Variants in PILRA observed in about 807,000 individuals in gnomAD.
PILRA encodes the protein paired immunoglobin like type 2 receptor alpha, also known as paired immunoglobulin-like type 2 receptor alpha.
PILRA carries 37 observed loss-of-function variants against 33.1 expected under a neutral mutation model. The observed-to-expected ratio is 1.12, with a 90% CI of 0.86 to 1.47. The LOEUF is 1.47. Among genes scored for constraint, PILRA ranks in the 40% most tolerant of loss-of-function variants. PILRA has a pLI of 0.00. For synonymous variants in PILRA, 146 were observed against 149.9 expected, an observed-to-expected ratio of 0.97 and a Z score of 0.19; for missense variants, 312 against 376.2, an observed-to-expected ratio of 0.83 and a Z score of 1.41.
intron 6 of PILRA, 53 bp from the exon 7 acceptor site, chr7:100,399,732 G>A: frequency 6.2e-7 from 1 of 1,612,042 alleles, no homozygotes; most frequent in South Asian, 1.1e-5. Context: ...CCGCTAAGAT[G>A]GGAACAGCTC....
chr7:100,389,870 TTCC>T lies in PILRA; in HGVS notation c.455-15_455-13del. The T allele has an allele frequency of 6.2e-7, 1 of 1,606,392 alleles. No individual in the cohort carries two copies. Among genetic ancestry groups the T allele is most frequent in the Non-Finnish European group, 8.5e-7 (1 of 1,173,606 alleles). On this transcript the variant is annotated splice_polypyrimidine_tract_variant and intron_variant, in intron 2 of 6. Transcript: ENST00000198536. Reference sequence around the variant, plus strand: ...GTGCCCCCAGGGGAGGGTCTGCTCATTCCTCATCTCTCCCCAGCTGTCACGACC... The same window carrying T: ...GTGCCCCCAGGGGAGGGTCTGCTCATTCATCTCTCCCCAGCTGTCACGACC...
At chr7:100,383,183 C>T (rs1204917571) in intron 2 of PILRA, among the ~76,000 whole-genome samples, 1 of 152,100 alleles carries the variant, frequency 6.6e-6, no homozygotes, top group Admixed American at 6.6e-5. Context: ...TTGGGGAAAC[C>T]AGTCAGGGAC....
At chr7:100,399,449 T>G in intron 5 of PILRA, 109 bp downstream of exon 5, 1 of 1,384,010 alleles carries the variant, frequency 7.2e-7, no homozygotes, top group Non-Finnish European at 1.0e-6. Flanking sequence ...TTCTTTCCAT[T>G]CCTTGCCCCT....
chr7:100,373,332 C>G, upstream of PILRA: 1 of 524,664 alleles, frequency 1.9e-6, no homozygotes, highest in East Asian at 3.1e-5. Context: ...GCCCAGCCAG[C>G]CAAGGTCAGG....
chr7:100,387,016 C>T (rs986309340), intron 2 of PILRA, among the ~76,000 whole-genome samples: 2 of 152,104 alleles, frequency 1.3e-5, no homozygotes, highest in East Asian at 1.9e-4. Context: ...AGCATGGAGA[C>T]CTTATGAAAG....
At chr7:100,376,327 C>G (rs1790946146) in intron 2 of PILRA, 2 of 152,120 alleles carry the variant, frequency 1.3e-5, no homozygotes, top group South Asian at 2.1e-4. Context: ...CTTCCTCTTT[C>G]CTTAATTCCT....
chr7:100,380,791 C>T (rs1197059439), intron 2 of PILRA, among the ~76,000 whole-genome samples: 1 of 151,982 alleles, frequency 6.6e-6, no homozygotes, highest in Non-Finnish European at 1.5e-5. Flanking sequence ...ACAGCGAAAC[C>T]CTCCCTGTCT....
chr7:100,386,076 C>T (rs184602595), intron 2 of PILRA, among the ~76,000 whole-genome samples: 56 of 152,156 alleles, frequency 3.7e-4, no homozygotes, highest in African/African-American at 1.2e-3. Context: ...ATTACAAGCA[C>T]GTGTCACCAT....
intron 2 of PILRA, among the ~76,000 whole-genome samples, chr7:100,377,275 G>A (rs1790975834): frequency 1.0e-5 from 1 of 99,654 alleles, no homozygotes; most frequent in African/African-American, 4.1e-5. Context: ...GAGTCTTGCT[G>A]TGTCTTCCAG....
At chr7:100,381,861 TG>T (rs1791104584) in intron 2 of PILRA, among the ~76,000 whole-genome samples, 1 of 152,150 alleles carries the variant, frequency 6.6e-6, no homozygotes, top group African/African-American at 2.4e-5. Context: ...ACTTAGCACC[TG>T]GGCCAGCAGC....
At chr7:100,399,257 C>T (rs752348924) in intron 4 of PILRA, 34 bp from the exon 5 acceptor site, 2 of 1,565,098 alleles carry the variant, frequency 1.3e-6, no homozygotes, top group Admixed American at 3.4e-5. Flanking sequence ...TGCCCAACCT[C>T]TAACATATTT....
chr7:100,379,024 C>T (rs535728213), intron 2 of PILRA, among the ~76,000 whole-genome samples: 3 of 143,966 alleles, frequency 2.1e-5, no homozygotes, highest in South Asian at 4.5e-4. Flanking sequence ...ACCCAGGAGG[C>T]GGAGCTTGCA....
rs1791494994 is a variant in PILRA, at chr7:100,396,478, C to CGT, written c.674-1401_674-1400insGT. ...GACCAGCATGACCAACGTGGTGAAA[C>CGT]CCTGTCTCTACTAAAAATACAAAAT... On this transcript the variant is annotated intron_variant, in intron 3 of 6. Transcript: ENST00000198536. Among the ~76,000 whole-genome samples the CGT allele has an allele frequency of 2.0e-5, 3 of 152,148 alleles. No individual in the cohort carries two copies. The South Asian group carries it at 6.2e-4, about 32-fold the overall frequency.
At chr7:100,383,298 G>A (rs918663187) in intron 2 of PILRA, among the ~76,000 whole-genome samples, 1 of 152,142 alleles carries the variant, frequency 6.6e-6, no homozygotes, top group Non-Finnish European at 1.5e-5. Context: ...GGAGTCAGAA[G>A]TTGTTACAGG....
chr7:100,371,930 C>T (rs546204669), upstream of PILRA, among the ~76,000 whole-genome samples: 17 of 152,334 alleles, frequency 1.1e-4, no homozygotes, highest in South Asian at 1.9e-3. Flanking sequence ...GGAGACTGCA[C>T]GTGGCAGCAT....
At chr7:100,394,810 A>C (rs1791462275) in intron 3 of PILRA, among the ~76,000 whole-genome samples, 1 of 152,128 alleles carries the variant, frequency 6.6e-6, no homozygotes, top group Non-Finnish European at 1.5e-5. Flanking sequence ...TTGGATCCTT[A>C]TCTTATACCA....
In PILRA at chr7:100,389,994, A is replaced by G. The variant is rs767713307; in HGVS notation, c.561A>G (p.Ser187=). 2.5e-6 allele frequency: 4 copies of G among 1,614,128 alleles called. No individual in the cohort carries two copies. The highest frequency in any genetic ancestry group is 3.4e-6 in the Non-Finnish European group (4 of 1,180,010). ...GGGTCACACAGGGCAAACGACGCTC[A>G]GACTCTTGGCACATAAGTCTGGAGA... The part of the protein sequence containing the change: ...GLRVTQGKRR[S]DSWHISLETA... Residue 187 remains serine, a synonymous_variant, in exon 3 of 7, where the codon TCA becomes TCG. Transcript: ENST00000198536.
At chr7:100,396,039 A>G (rs1323117769) in intron 3 of PILRA, among the ~76,000 whole-genome samples, 1 of 152,028 alleles carries the variant, frequency 6.6e-6, no homozygotes, top group Non-Finnish European at 1.5e-5. Flanking sequence ...CAGGAGAATC[A>G]CTTGAACCCG....
rs1205134430 is a variant in PILRA, at chr7:100,389,092, T to C, written c.455-796T>C. The stretch of plus-strand genomic sequence containing the variant: ...TCTCCAGTATCCTTTTCCTCTTCAG[T>C]AGAGATTTCTATATCTTGAAATAAA... On this transcript the variant is annotated intron_variant, in intron 2 of 6. Coordinates refer to ENST00000198536, the MANE Select transcript of PILRA (RefSeq NM_013439.3). Among the ~76,000 whole-genome samples, 3 of 152,196 alleles carry C rather than the reference T, an allele frequency of 2.0e-5. No individual in the cohort carries two copies. In the East Asian group the frequency reaches 5.8e-4, roughly 29 times the overall value.
Sources: allele counts gnomAD v4.1 joint callset (sites outside exome capture counted in the v4.1 genomes callset), GRCh38; gene constraint gnomAD v4.1.1; transcripts MANE v1.5; gene names NCBI Gene and HGNC (gene_info 2026-07-23, HGNC 2026-07-21).